The following GPHN variants were observed in gnomAD, a reference collection of about 807,000 sequenced individuals.
GPHN encodes the protein gephyrin.
GPHN carries 17 observed loss-of-function variants against 95.5 expected under a neutral mutation model. The observed-to-expected ratio is 0.18, with a 90% confidence interval of 0.12 to 0.27. GPHN has a LOEUF of 0.27. GPHN is among the 10% of genes least tolerant of loss of function. The pLI, the probability that GPHN is intolerant of heterozygous loss-of-function variation, is 1.00. For synonymous variants in GPHN, 320 were observed against 322.5 expected (o/e 0.99, Z 0.08); for missense variants, 660 against 978.1 (o/e 0.67, Z 4.34).
At chr14:67,536,881 A>G in the GPHN span, among the ~76,000 whole-genome samples, 1 of 151,676 alleles carries the variant, frequency 6.6e-6, no homozygotes, top group Non-Finnish European at 1.5e-5. Flanking sequence ...TCTCTACTAG[A>G]AATACAAAAA....
intron 10 of GPHN, among the ~76,000 whole-genome samples, chr14:67,026,932 G>A (rs2073955717): frequency 6.6e-6 from 1 of 152,150 alleles, no homozygotes; most frequent in South Asian, 2.1e-4. Context: ...GTGAGCCACC[G>A]CGCCCAGCCT....
chr14:67,234,756 G>C, the GPHN span, among the ~76,000 whole-genome samples: 1 of 151,810 alleles, frequency 6.6e-6, no homozygotes, highest in African/African-American at 2.4e-5. Flanking sequence ...TGCCATGTTG[G>C]CCAGGCTGGT....
At chr14:66,890,375 C>T (rs999586861) in intron 5 of GPHN, among the ~76,000 whole-genome samples, 3 of 144,460 alleles carry the variant, frequency 2.1e-5, no homozygotes, top group Admixed American at 7.1e-5. Flanking sequence ...ATGCGCACTG[C>T]GCTCCAGCCT....
chr14:66,604,091 C>A (rs1173433102), intron 1 of GPHN, among the ~76,000 whole-genome samples: 1 of 152,040 alleles, frequency 6.6e-6, no homozygotes, highest in Non-Finnish European at 1.5e-5. Context: ...ATTGCATGAA[C>A]TATAGGTAGC....
the GPHN span, chr14:67,579,921 G>C: frequency 6.5e-7 from 1 of 1,533,944 alleles, no homozygotes; most frequent in East Asian, 2.4e-5. Flanking sequence ...CCTGCTCAGG[G>C]ATATTGGTGG....
chr14:67,118,363 A>G (rs771119744), intron 16 of GPHN, among the ~76,000 whole-genome samples: 5 of 152,166 alleles, frequency 3.3e-5, no homozygotes, highest in Non-Finnish European at 7.3e-5. Flanking sequence ...TGATAGATTA[A>G]AGGCTAGTTA....
intron 1 of GPHN, among the ~76,000 whole-genome samples, chr14:66,673,294 G>A (rs990888246): frequency 2.0e-5 from 3 of 151,902 alleles, no homozygotes; most frequent in Middle Eastern, 3.4e-3. Flanking sequence ...GGGTTTCACC[G>A]TGTTAACCAG....
chr14:66,525,473 C>A (rs985300400), intron 1 of GPHN, among the ~76,000 whole-genome samples: 1 of 152,146 alleles, frequency 6.6e-6, no homozygotes, highest in African/African-American at 2.4e-5. Context: ...GTTTCTTTTG[C>A]TGTGCAGATG....
chr14:66,668,452 C>A (rs755878373), intron 1 of GPHN, among the ~76,000 whole-genome samples: 10 of 152,074 alleles, frequency 6.6e-5, no homozygotes, highest in Non-Finnish European at 1.3e-4. Flanking sequence ...AAGGCAGCCA[C>A]AAAAGAGAAT....
the GPHN span, chr14:67,301,464 C>G: frequency 6.2e-7 from 1 of 1,606,560 alleles, no homozygotes; most frequent in Non-Finnish European, 8.5e-7. Flanking sequence ...TCCACATATT[C>G]AGGTAGAAAA....
In GPHN at chr14:67,122,272, A is replaced by G; in HGVS notation, c.1643A>G (p.Asp548Gly). 2 of 1,613,636 alleles carry G rather than the reference A, an allele frequency of 1.2e-6. No homozygotes were observed. Among genetic ancestry groups the G allele is most frequent in the Non-Finnish European group, 1.7e-6 (2 of 1,179,626 alleles). The change falls in exon 17 of 23, where the codon GAT becomes GGT. Residue 548 changes from aspartate to glycine, a missense_variant. Transcript: ENST00000478722. The stretch of plus-strand genomic sequence containing the variant: ...GCTTTGTAGCTGCTAAATCCTGAAG[A>G]TGACCTCTTACCAGGGAAGATTCGA... Reference protein sequence around the residue: ...STGNELLNPEDDLLPGKIRDS... With the variant: ...STGNELLNPEGDLLPGKIRDS...
chr14:67,031,890 C>T (rs1305974933), intron 10 of GPHN, among the ~76,000 whole-genome samples: 1 of 152,056 alleles, frequency 6.6e-6, no homozygotes. Flanking sequence ...TTACCTTCCT[C>T]GTTGTCAACA....
intron 9 of GPHN, among the ~76,000 whole-genome samples, chr14:67,001,892 G>T (rs575315694): frequency 6.6e-6 from 1 of 151,716 alleles, no homozygotes; most frequent in African/African-American, 2.4e-5. Flanking sequence ...GTATCTTCTT[G>T]ACCAGCAACA....
intron 3 of GPHN, among the ~76,000 whole-genome samples, chr14:66,809,358 A>AAAT (rs540241852): frequency 1.3e-3 from 202 of 151,796 alleles, no homozygotes; most frequent in Non-Finnish European, 1.9e-3. Context: ...GAGTTTTCCT[A>AAAT]AATAATAATA....
At chr14:67,061,740 A>G (rs9323492) in intron 11 of GPHN, among the ~76,000 whole-genome samples, 50,364 of 151,720 alleles carry the variant, frequency 0.33, 13,467 homozygotes, top group African/African-American at 0.72. Flanking sequence ...CTCAACTCTC[A>G]GCCTCAAGCG....
At chr14:66,693,051 A>T (rs2067881114) in intron 2 of GPHN, among the ~76,000 whole-genome samples, 1 of 151,982 alleles carries the variant, frequency 6.6e-6, no homozygotes. Flanking sequence ...AAATAAGCCC[A>T]CTACATATTA....
At chr14:66,816,720 T>TCACAA (rs2060983979) in intron 3 of GPHN, among the ~76,000 whole-genome samples, 1 of 152,028 alleles carries the variant, frequency 6.6e-6, no homozygotes, top group Non-Finnish European at 1.5e-5. Context: ...CAGTTAACAG[T>TCACAA]CTAACATCAC....
chr14:67,542,324 T>A, the GPHN span, among the ~76,000 whole-genome samples: 1 of 152,148 alleles, frequency 6.6e-6, no homozygotes, highest in Admixed American at 6.6e-5. Context: ...AAGGACGGTG[T>A]TTCGGGAGAA....
chr14:67,195,716 TGTG>T, the GPHN span, among the ~76,000 whole-genome samples: 7 of 6,748 alleles, frequency 1.0e-3, no homozygotes, highest in Non-Finnish European at 3.0e-3. Flanking sequence ...TTTTTGGTTG[TGTG>T]TGTGTGTGTG....
Sources: gnomAD v4.1 joint callset for allele counts (sites outside exome capture counted in the v4.1 genomes callset) on GRCh38, gnomAD v4.1.1 for gene constraint, MANE v1.5 for transcripts, NCBI Gene and HGNC (gene_info 2026-07-23, HGNC 2026-07-21) for gene names.